AK9: variants seen among roughly 807,000 people sequenced by gnomAD.
AK9 encodes adenylate kinase domain containing 1.
AK9 carries 191 observed loss-of-function variants against 239.6 expected under a neutral mutation model. That is an observed-to-expected ratio of 0.80 (90% CI 0.71 to 0.90). The LOEUF (loss-of-function observed/expected upper bound fraction) is 0.90. AK9 is among the 40% of genes least tolerant of loss of function. The pLI, the probability that AK9 is intolerant of heterozygous loss-of-function variation, is 0.00. For synonymous variants in AK9, 689 were observed against 721.0 expected (o/e 0.96, Z 0.71); for missense variants, 1,995 against 2,214.7 (o/e 0.90, Z 1.99).
chr6:109,568,458 G>A (rs1327609963), intron 21 of AK9, among the ~76,000 whole-genome samples: 15 of 152,022 alleles, frequency 9.9e-5, no homozygotes, highest in Admixed American at 7.9e-4. Context: ...GAAATAAAGG[G>A]TATTCAATTA....
chr6:109,633,461 T>A, intron 10 of AK9, 138 bp from the exon 11 acceptor site: 2 of 882,612 alleles, frequency 2.3e-6, no homozygotes, highest in Non-Finnish European at 3.3e-6. Flanking sequence ...GCTTTTTTCT[T>A]AATTGCAACA....
intron 31 of AK9, 129 bp from the exon 32 acceptor site, chr6:109,514,566 A>ATAATCAAAGGTTAATAT (rs1779077246): frequency 1.3e-6 from 1 of 784,564 alleles, no homozygotes; most frequent in East Asian, 2.7e-5. Context: ...AAAACTAATT[A>ATAATCAAAGGTTAATAT]TAATCAAAGG....
chr6:109,522,342 C>A (rs1696744149), intron 29 of AK9, among the ~76,000 whole-genome samples: 1 of 151,958 alleles, frequency 6.6e-6, no homozygotes, highest in Non-Finnish European at 1.5e-5. Context: ...GGGAACTTTT[C>A]TTCTAACATT....
chr6:109,680,949 C>A (rs1380571131), intron 1 of AK9, among the ~76,000 whole-genome samples: 1 of 152,268 alleles, frequency 6.6e-6, no homozygotes, highest in Middle Eastern at 3.4e-3. Context: ...CTGAAGGAGG[C>A]ACTAAACGTG....
chr6:109,551,005 C>T (rs1213380280), intron 24 of AK9, among the ~76,000 whole-genome samples: 1 of 151,882 alleles, frequency 6.6e-6, no homozygotes, highest in East Asian at 1.9e-4. Context: ...ATAGTTTTAT[C>T]TCCCAGACTC....
chr6:109,606,253 AATAGATAGATAGATAGATAG>A (rs57376541), intron 17 of AK9, among the ~76,000 whole-genome samples: 7 of 148,132 alleles, frequency 4.7e-5, no homozygotes, highest in South Asian at 2.2e-4. Context: ...ATCACTTGTG[AATAGATAGATAGATAGATAG>A]ATAGATAGAT....
chr6:109,574,754 TG>T (rs1787848642), intron 20 of AK9, among the ~76,000 whole-genome samples: 1 of 152,104 alleles, frequency 6.6e-6, no homozygotes, highest in Admixed American at 6.6e-5. Context: ...GGTGGTGTTT[TG>T]TTCCATGGAA....
chr6:109,568,082 G>C (rs931803853), intron 21 of AK9, among the ~76,000 whole-genome samples: 1 of 152,020 alleles, frequency 6.6e-6, no homozygotes. Context: ...TATCCACCAC[G>C]ATCAAGTTGG....
intron 39 of AK9, among the ~76,000 whole-genome samples, chr6:109,494,994 C>T (rs567458113): frequency 6.6e-6 from 1 of 152,324 alleles, no homozygotes; most frequent in African/African-American, 2.4e-5. Flanking sequence ...ATGATCCTCT[C>T]ACGGACTGAA....
chr6:109,653,654 ATTTCC>A (rs1236971465), intron 8 of AK9, among the ~76,000 whole-genome samples: 3 of 143,768 alleles, frequency 2.1e-5, no homozygotes, highest in South Asian at 2.4e-4. Flanking sequence ...TTACTTGTAG[ATTTCC>A]TTTCTTGTTT....
At chr6:109,587,448 A>C (rs896781042) in intron 17 of AK9, among the ~76,000 whole-genome samples, 1 of 152,170 alleles carries the variant, frequency 6.6e-6, no homozygotes, top group African/African-American at 2.4e-5. Flanking sequence ...CAGGGCTTTC[A>C]GTGCATCCAT....
chr6:109,620,613 C>A (rs1016726474), intron 12 of AK9, among the ~76,000 whole-genome samples: 1 of 151,938 alleles, frequency 6.6e-6, no homozygotes, highest in Admixed American at 6.6e-5. Flanking sequence ...TCCCATTCTG[C>A]TTTTCTTTTG....
At chr6:109,610,791 A>C (rs2128239149) in intron 16 of AK9, among the ~76,000 whole-genome samples, 1 of 152,304 alleles carries the variant, frequency 6.6e-6, no homozygotes, top group South Asian at 2.1e-4. Context: ...AGTCAAAACC[A>C]GGGAAGAAAT....
In AK9 at chr6:109,610,431, T is replaced by C; in HGVS notation, c.1776A>G (p.Ser592=). Residue 592 remains serine (S), a synonymous_variant, in exon 17 of 41, where the codon TCA becomes TCG. Transcript: ENST00000424296. ...VTMIEETIKM[S]QDINFEQPYE... Reference sequence around the variant, plus strand: ...ATGGCTGTTCAAAGTTTATATCCTGTGACATTTTTATAGTCTCTTCAATCA... The same window carrying C: ...ATGGCTGTTCAAAGTTTATATCCTGCGACATTTTTATAGTCTCTTCAATCA... 6.4e-7 allele frequency: 1 copy of C among 1,551,632 alleles called. No individual in the cohort carries two copies. The highest frequency in any genetic ancestry group is 8.7e-7 in the Non-Finnish European group (1 of 1,146,898).
intron 12 of AK9, among the ~76,000 whole-genome samples, chr6:109,623,868 C>G (rs1160574837): frequency 7.1e-6 from 1 of 141,596 alleles, no homozygotes; most frequent in Non-Finnish European, 1.5e-5. Context: ...CTTAGACACA[C>G]ACACACACAC....
At chr6:109,501,577 C>T (rs999314702) in intron 35 of AK9, among the ~76,000 whole-genome samples, 2 of 152,230 alleles carry the variant, frequency 1.3e-5, no homozygotes, top group Non-Finnish European at 2.9e-5. Flanking sequence ...TGCTTATTGG[C>T]TCTCATCCTC....
At chr6:109,558,206 G>GT (rs751186122) in intron 24 of AK9, among the ~76,000 whole-genome samples, 47 of 151,826 alleles carry the variant, frequency 3.1e-4, no homozygotes, top group African/African-American at 6.3e-4. Context: ...TCTTAATAGT[G>GT]TTTTTTTTAA....
intron 29 of AK9, among the ~76,000 whole-genome samples, chr6:109,520,746 GT>G (rs956345366): frequency 6.6e-6 from 1 of 152,074 alleles, no homozygotes; most frequent in African/African-American, 2.4e-5. Flanking sequence ...AGTATGAAAT[GT>G]TTTTTCATTT....
chr6:109,677,661 T>C (rs975404319), intron 1 of AK9, among the ~76,000 whole-genome samples: 4 of 152,166 alleles, frequency 2.6e-5, no homozygotes, highest in African/African-American at 9.7e-5. Context: ...AATAATTGGC[T>C]ATGCATAAAT....
Sources: allele counts gnomAD v4.1 joint callset (sites outside exome capture counted in the v4.1 genomes callset), GRCh38; gene constraint gnomAD v4.1.1; transcripts MANE v1.5; gene names NCBI Gene and HGNC (gene_info 2026-07-23, HGNC 2026-07-21).